LYPLAL1: variants seen among roughly 807,000 people sequenced by gnomAD.
The protein encoded by LYPLAL1 is lysophospholipase like 1, also known as lysophospholipase-like protein 1.
A neutral mutation model predicts 19.7 loss-of-function variants in LYPLAL1; 23 were observed. That is an observed-to-expected ratio of 1.17 (90% CI 0.84 to 1.65). LYPLAL1 has a LOEUF of 1.65. Ranked by LOEUF, LYPLAL1 falls within the 40% of genes most tolerant of loss-of-function variation. LYPLAL1 has a pLI of 0.00. For missense variants in LYPLAL1, 355 were observed against 279.4 expected (o/e 1.27, Z -1.93); for synonymous variants, 119 against 96.3 (o/e 1.24, Z -1.38).
the LYPLAL1 span, among the ~76,000 whole-genome samples, chr1:219,399,587 A>AG: frequency 2.6e-5 from 4 of 152,114 alleles, no homozygotes; most frequent in Non-Finnish European, 5.9e-5. Context: ...AAGAGGGAGC[A>AG]GGGGGGTTGG....
chr1:219,221,563 A>C, the LYPLAL1 span, among the ~76,000 whole-genome samples: 1 of 152,082 alleles, frequency 6.6e-6, no homozygotes, highest in Admixed American at 6.6e-5. Flanking sequence ...TTCAACAAGA[A>C]CCCACCGAAT....
At chr1:219,362,066 T>C in the LYPLAL1 span, among the ~76,000 whole-genome samples, 1 of 152,130 alleles carries the variant, frequency 6.6e-6, no homozygotes, top group Non-Finnish European at 1.5e-5. Context: ...TGCGTTTTGA[T>C]AGATTAATAG....
chr1:219,419,592 C>CAGAGAGAGAGAGAGAG, the LYPLAL1 span, among the ~76,000 whole-genome samples: 3 of 62,682 alleles, frequency 4.8e-5, no homozygotes, highest in Admixed American at 1.8e-4. Context: ...CACACACACA[C>CAGAGAGAGAGAGAGAG]ACAGAGAGAG....
At chr1:219,430,027 C>T in the LYPLAL1 span, among the ~76,000 whole-genome samples, 1 of 152,134 alleles carries the variant, frequency 6.6e-6, no homozygotes, top group Non-Finnish European at 1.5e-5. Flanking sequence ...GACACAGTGG[C>T]TCACACCTGT....
the LYPLAL1 span, among the ~76,000 whole-genome samples, chr1:219,285,608 T>C: frequency 6.6e-6 from 1 of 152,020 alleles, no homozygotes; most frequent in Non-Finnish European, 1.5e-5. Context: ...AAGCGAAAAA[T>C]GCTAGACATG....
At chr1:219,429,646 G>A in the LYPLAL1 span, among the ~76,000 whole-genome samples, 1 of 152,042 alleles carries the variant, frequency 6.6e-6, no homozygotes, top group South Asian at 2.1e-4. Flanking sequence ...GGCAGAGTGA[G>A]ACCCTGTCTC....
At chr1:219,186,671 C>A (rs1656748959) in intron 2 of LYPLAL1, among the ~76,000 whole-genome samples, 1 of 151,584 alleles carries the variant, frequency 6.6e-6, no homozygotes, top group South Asian at 2.1e-4. Flanking sequence ...ATTTTTCATC[C>A]TTTTACTTTC....
At chr1:219,246,131 C>A in the LYPLAL1 span, among the ~76,000 whole-genome samples, 2 of 152,040 alleles carry the variant, frequency 1.3e-5, no homozygotes, top group Admixed American at 1.3e-4. Flanking sequence ...GGTTTTGTGC[C>A]CCATCTTCTC....
chr1:219,350,987 G>T, the LYPLAL1 span, among the ~76,000 whole-genome samples: 1,425 of 152,090 alleles, frequency 9.4e-3, 41 homozygotes, highest in Admixed American at 0.054. Context: ...TGTTCATCTT[G>T]CTCTGAAATA....
the LYPLAL1 span, among the ~76,000 whole-genome samples, chr1:219,403,938 C>G: frequency 1.3e-5 from 2 of 152,088 alleles, no homozygotes; most frequent in Non-Finnish European, 2.9e-5. Flanking sequence ...AATAGAAATT[C>G]ATTTTCTCTC....
the LYPLAL1 span, among the ~76,000 whole-genome samples, chr1:219,437,736 T>G: frequency 6.8e-6 from 1 of 147,612 alleles, no homozygotes; most frequent in South Asian, 2.1e-4. Flanking sequence ...GTATTTTATT[T>G]TATTATTTTA....
chr1:219,257,237 A>G, the LYPLAL1 span, among the ~76,000 whole-genome samples: 1 of 151,916 alleles, frequency 6.6e-6, no homozygotes, highest in East Asian at 1.9e-4. Flanking sequence ...TAATAGCTGT[A>G]TATATGTCTA....
At chr1:219,385,053 G>A in the LYPLAL1 span, among the ~76,000 whole-genome samples, 2 of 152,118 alleles carry the variant, frequency 1.3e-5, no homozygotes, top group Non-Finnish European at 1.5e-5. Context: ...TGTTCTGCAG[G>A]TGGTGGTGGG....
chr1:219,237,893 C>T, the LYPLAL1 span, among the ~76,000 whole-genome samples: 1 of 152,184 alleles, frequency 6.6e-6, no homozygotes, highest in Non-Finnish European at 1.5e-5. Flanking sequence ...TCCCCAGCAT[C>T]TAGCACAATC....
the LYPLAL1 span, among the ~76,000 whole-genome samples, chr1:219,338,043 C>T: frequency 6.6e-6 from 1 of 151,920 alleles, no homozygotes; most frequent in African/African-American, 2.4e-5. Flanking sequence ...TAATAGTTCA[C>T]CTAAATTTTG....
At chr1:219,196,739 T>C (rs1657635071) in intron 3 of LYPLAL1, among the ~76,000 whole-genome samples, 1 of 152,136 alleles carries the variant, frequency 6.6e-6, no homozygotes, top group Non-Finnish European at 1.5e-5. Context: ...TGATCCAATA[T>C]CTAGAAAACT....
chr1:219,342,987 A>T, the LYPLAL1 span, among the ~76,000 whole-genome samples: 1 of 152,178 alleles, frequency 6.6e-6, no homozygotes, highest in African/African-American at 2.4e-5. Flanking sequence ...GTGATGCTTA[A>T]TGGGAGGAGC....
the LYPLAL1 span, among the ~76,000 whole-genome samples, chr1:219,318,787 A>G: frequency 6.6e-6 from 1 of 152,154 alleles, no homozygotes; most frequent in Non-Finnish European, 1.5e-5. Context: ...GTCCTCAAAC[A>G]CTCACCAAGA....
intron 2 of LYPLAL1, among the ~76,000 whole-genome samples, chr1:219,191,017 A>G (rs190539973): frequency 1.2e-4 from 18 of 151,744 alleles, no homozygotes; most frequent in Admixed American, 1.1e-3. Flanking sequence ...GTGTAGTTCA[A>G]TATAGTTTAT....
Sources: allele counts gnomAD v4.1 joint callset (sites outside exome capture counted in the v4.1 genomes callset), GRCh38; gene constraint gnomAD v4.1.1; transcripts MANE v1.5; gene names NCBI Gene and HGNC (gene_info 2026-07-23, HGNC 2026-07-21).